Variants in RIGI observed in about 807,000 individuals in gnomAD.
RIGI encodes the protein antiviral innate immune response receptor RIG-I.
the RIGI span, among the ~76,000 whole-genome samples, chr9:32,459,875 T>C: frequency 6.6e-6 from 1 of 152,226 alleles, no homozygotes; most frequent in Non-Finnish European, 1.5e-5. Flanking sequence ...ATGCGCTGTT[T>C]CAGGCATAAT....
the RIGI span, among the ~76,000 whole-genome samples, chr9:32,461,646 C>T: frequency 6.6e-6 from 1 of 152,238 alleles, no homozygotes; most frequent in East Asian, 1.9e-4. Flanking sequence ...AGGGTAAATG[C>T]CCATCACCGT....
At chr9:32,523,645 T>C in the RIGI span, among the ~76,000 whole-genome samples, 1 of 152,128 alleles carries the variant, frequency 6.6e-6, no homozygotes, top group East Asian at 1.9e-4. Context: ...CGGATTCCTA[T>C]TTTCCTAACT....
the RIGI span, among the ~76,000 whole-genome samples, chr9:32,507,026 G>C: frequency 6.6e-6 from 1 of 152,072 alleles, no homozygotes; most frequent in East Asian, 1.9e-4. Context: ...TACTCAAAAG[G>C]ATGCTATTTT....
At chr9:32,501,301 G>A in the RIGI span, among the ~76,000 whole-genome samples, 2 of 142,452 alleles carry the variant, frequency 1.4e-5, no homozygotes, top group East Asian at 4.4e-4. Context: ...GATTACAGGT[G>A]TGAGCCACTG....
the RIGI span, among the ~76,000 whole-genome samples, chr9:32,505,812 C>T: frequency 6.6e-6 from 1 of 152,134 alleles, no homozygotes; most frequent in African/African-American, 2.4e-5. Context: ...TCCTTTAACA[C>T]GAAACTAAAA....
the RIGI span, chr9:32,467,876 G>A: frequency 6.2e-7 from 1 of 1,613,294 alleles, no homozygotes; most frequent in Non-Finnish European, 8.5e-7. Context: ...AGAATATTGT[G>A]ATCTCCACTG....
the RIGI span, among the ~76,000 whole-genome samples, chr9:32,463,573 G>A: frequency 5.3e-5 from 8 of 152,130 alleles, no homozygotes; most frequent in Non-Finnish European, 1.0e-4. Context: ...TGTTACTCTA[G>A]GCAATAGGTA....
the RIGI span, among the ~76,000 whole-genome samples, chr9:32,462,780 C>T: frequency 1.2e-4 from 18 of 152,258 alleles, no homozygotes; most frequent in African/African-American, 4.1e-4. Flanking sequence ...AACTCTTGGG[C>T]TTAAATGATC....
chr9:32,485,492 T>G, the RIGI span: 5 of 638,586 alleles, frequency 7.8e-6, no homozygotes, highest in African/African-American at 9.3e-5. Context: ...TTGTACTGAT[T>G]CTAACACCTG....
At chr9:32,526,013 A>C in the RIGI span, 27 of 1,393,568 alleles carry the variant, frequency 1.9e-5, no homozygotes, top group Non-Finnish European at 2.7e-5. Flanking sequence ...AGAGAAAAAC[A>C]AGTCCTCAAT....
At chr9:32,466,311 G>A in the RIGI span, 34 of 1,613,554 alleles carry the variant, frequency 2.1e-5, no homozygotes, top group Middle Eastern at 1.6e-4. Context: ...ATACTGCTTC[G>A]TCCCATGTCT....
At chr9:32,520,528 T>C in the RIGI span, among the ~76,000 whole-genome samples, 1 of 152,088 alleles carries the variant, frequency 6.6e-6, no homozygotes, top group African/African-American at 2.4e-5. Flanking sequence ...CAGGAGAAGG[T>C]GACAATCAAA....
the RIGI span, among the ~76,000 whole-genome samples, chr9:32,479,886 A>C: frequency 6.7e-6 from 1 of 148,998 alleles, no homozygotes; most frequent in Admixed American, 6.6e-5. Context: ...AATATCGTTA[A>C]AACACTTTTT....
At chr9:32,488,924 CATATATT>C in the RIGI span, 1 of 1,540,602 alleles carries the variant, frequency 6.5e-7, no homozygotes, top group Non-Finnish European at 8.8e-7. Flanking sequence ...ACATGTAACT[CATATATT>C]AGATATTTCT....
chr9:32,479,693 C>T, the RIGI span, among the ~76,000 whole-genome samples: 3 of 151,692 alleles, frequency 2.0e-5, no homozygotes, highest in African/African-American at 4.8e-5. Flanking sequence ...AAAAATTAGC[C>T]GGGTGTGGTG....
the RIGI span, among the ~76,000 whole-genome samples, chr9:32,464,760 C>T: frequency 6.6e-6 from 1 of 152,182 alleles, no homozygotes; most frequent in Non-Finnish European, 1.5e-5. Context: ...GGGATACCAA[C>T]ACAACTCAGG....
At chr9:32,468,450 G>A in the RIGI span, among the ~76,000 whole-genome samples, 1 of 152,162 alleles carries the variant, frequency 6.6e-6, no homozygotes, top group African/African-American at 2.4e-5. Flanking sequence ...TGAATCACTT[G>A]AGCCTAGGAG....
the RIGI span, chr9:32,459,314 A>G: frequency 1.3e-6 from 2 of 1,567,760 alleles, no homozygotes; most frequent in East Asian, 4.5e-5. Context: ...TTTCACCAAC[A>G]GTAAGCTGTA....
chr9:32,480,044 A>C, the RIGI span, among the ~76,000 whole-genome samples: 24 of 152,188 alleles, frequency 1.6e-4, no homozygotes, highest in African/African-American at 5.6e-4. Context: ...GACTCTTCCC[A>C]TAGGTACTAG....
Sources: gnomAD v4.1 joint callset for allele counts (sites outside exome capture counted in the v4.1 genomes callset) on GRCh38, gnomAD v4.1.1 for gene constraint, MANE v1.5 for transcripts, NCBI Gene and HGNC (gene_info 2026-07-23, HGNC 2026-07-21) for gene names.